NSMCE2: variants seen among roughly 807,000 people sequenced by gnomAD.
NSMCE2 encodes the protein NSE2 SUMO ligase component of SMC5/6 complex, also known as E3 SUMO-protein ligase NSE2.
NSMCE2 carries 24 observed loss-of-function variants against 23.8 expected under a neutral mutation model. The observed-to-expected ratio is 1.01, with a 90% CI of 0.73 to 1.42. The LOEUF is 1.42. Ranked by LOEUF, NSMCE2 falls within the 40% of genes most tolerant of loss-of-function variation. NSMCE2 has a pLI of 0.00. For synonymous variants in NSMCE2, 92 were observed against 94.1 expected, an observed-to-expected ratio of 0.98 and a Z score of 0.13; for missense variants, 284 against 296.5, an observed-to-expected ratio of 0.96 and a Z score of 0.31.
chr8:125,336,290 C>G (rs1223466459), intron 5 of NSMCE2, among the ~76,000 whole-genome samples: 2 of 152,206 alleles, frequency 1.3e-5, no homozygotes, highest in African/African-American at 2.4e-5. Context: ...CAATTCAATA[C>G]TCAGTTAAAT....
Position 125,102,404 on chromosome 8 carries a change from C to T in NSMCE2, c.74C>T (p.Ser25Phe), listed in dbSNP as rs755623114. The T allele has an allele frequency of 6.2e-6, 10 of 1,613,120 alleles. No homozygotes were observed. In the East Asian group the frequency reaches 1.3e-4, roughly 22 times the overall value. The part of the protein sequence containing the change: ...ISFSGVESAL[S>F]SLKNFQACIN... Reference sequence around the variant, plus strand: ...TTCAGTGGTGTAGAGTCTGCTCTCTCCTCCTTGAAAAACTTCCAAGCCTGT... The same window carrying T: ...TTCAGTGGTGTAGAGTCTGCTCTCTTCTCCTTGAAAAACTTCCAAGCCTGT... Residue 25 changes from serine to phenylalanine, a missense_variant, in exon 3 of 8, where the codon TCC (serine) becomes TTC (phenylalanine). Ser to Phe is a radical substitution (Grantham distance 155, BLOSUM62 -2). Coordinates refer to ENST00000287437, the MANE Select transcript of NSMCE2 (RefSeq NM_173685.4).
intron 5 of NSMCE2, among the ~76,000 whole-genome samples, chr8:125,283,787 G>A (rs1199407289): frequency 1.3e-5 from 2 of 152,052 alleles, no homozygotes; most frequent in African/African-American, 2.4e-5. Context: ...AGGAACCCAG[G>A]GCCCATTTTG....
At chr8:125,356,548 C>T (rs764474741) in intron 5 of NSMCE2, among the ~76,000 whole-genome samples, 2 of 151,938 alleles carry the variant, frequency 1.3e-5, no homozygotes, top group Non-Finnish European at 2.9e-5. Context: ...AGGATGGTCT[C>T]GATCTCTTGA....
At chr8:125,231,869 T>A (rs1825337315) in intron 5 of NSMCE2, among the ~76,000 whole-genome samples, 1 of 152,012 alleles carries the variant, frequency 6.6e-6, no homozygotes, top group African/African-American at 2.4e-5. Flanking sequence ...TTTCTTTATC[T>A]CTTTCTTTTT....
chr8:125,112,470 A>G (rs1010405951), intron 3 of NSMCE2, among the ~76,000 whole-genome samples: 3 of 152,258 alleles, frequency 2.0e-5, no homozygotes, highest in African/African-American at 7.2e-5. Flanking sequence ...ACAATAGCCA[A>G]GATACAGAAG....
chr8:125,317,050 A>T (rs1239721522), intron 5 of NSMCE2, among the ~76,000 whole-genome samples: 1 of 151,606 alleles, frequency 6.6e-6, no homozygotes, highest in Non-Finnish European at 1.5e-5. Context: ...GGCCTCCCAA[A>T]GTGCTGGGAT....
At chr8:125,144,553 A>G (rs1820566469) in intron 3 of NSMCE2, among the ~76,000 whole-genome samples, 1 of 152,212 alleles carries the variant, frequency 6.6e-6, no homozygotes, top group African/African-American at 2.4e-5. Flanking sequence ...GTATTGCTAC[A>G]GGCTTACTGC....
intron 5 of NSMCE2, among the ~76,000 whole-genome samples, chr8:125,263,492 G>A (rs1219072045): frequency 6.6e-6 from 1 of 152,156 alleles, no homozygotes; most frequent in African/African-American, 2.4e-5. Context: ...GCTCATGCCT[G>A]TAATCCCAAT....
chr8:125,156,247 T>G (rs1318724081), intron 4 of NSMCE2: 1 of 159,532 alleles, frequency 6.3e-6, no homozygotes, highest in Non-Finnish European at 1.4e-5. Context: ...TTTTAAGACA[T>G]TTTACCTCTT....
chr8:125,258,742 G>T (rs570814007), intron 5 of NSMCE2, among the ~76,000 whole-genome samples: 1 of 152,332 alleles, frequency 6.6e-6, no homozygotes, highest in South Asian at 2.1e-4. Flanking sequence ...AGGTGGGGGG[G>T]TTATGGGAGT....
At chr8:125,332,622 T>G (rs1407206775) in intron 5 of NSMCE2, among the ~76,000 whole-genome samples, 1 of 152,230 alleles carries the variant, frequency 6.6e-6, no homozygotes, top group Non-Finnish European at 1.5e-5. Flanking sequence ...ATATTTAAGC[T>G]CTAGTCAAGC....
chr8:125,246,721 A>G (rs999003375), intron 5 of NSMCE2, among the ~76,000 whole-genome samples: 10 of 152,196 alleles, frequency 6.6e-5, no homozygotes, highest in Non-Finnish European at 1.3e-4. Flanking sequence ...AAGCTAGGGT[A>G]TCTATGACCA....
At chr8:125,192,863 A>G (rs1247999096) in intron 5 of NSMCE2, among the ~76,000 whole-genome samples, 3 of 152,224 alleles carry the variant, frequency 2.0e-5, no homozygotes, top group African/African-American at 7.2e-5. Flanking sequence ...GATGATGATG[A>G]CGCGCTCTAC....
chr8:125,279,910 G>T (rs956731724), intron 5 of NSMCE2, among the ~76,000 whole-genome samples: 1 of 152,140 alleles, frequency 6.6e-6, no homozygotes, highest in Non-Finnish European at 1.5e-5. Context: ...TAACCCCAGC[G>T]CAGTCATCTA....
intron 5 of NSMCE2, among the ~76,000 whole-genome samples, chr8:125,328,435 T>C (rs1426342223): frequency 6.6e-6 from 1 of 152,196 alleles, no homozygotes; most frequent in Non-Finnish European, 1.5e-5. Context: ...TGCAAATTGC[T>C]GAGCACCTCG....
At chr8:125,140,979 T>C (rs981757389) in intron 3 of NSMCE2, among the ~76,000 whole-genome samples, 5 of 152,156 alleles carry the variant, frequency 3.3e-5, no homozygotes, top group Non-Finnish European at 7.4e-5. Context: ...CCGTGAAGAT[T>C]TGGAGGCTTT....
At chr8:125,230,736 C>T (rs1825290517) in intron 5 of NSMCE2, among the ~76,000 whole-genome samples, 1 of 152,160 alleles carries the variant, frequency 6.6e-6, no homozygotes, top group Non-Finnish European at 1.5e-5. Context: ...GTCAAGTTCA[C>T]AAACTGGGCA....
intron 5 of NSMCE2, among the ~76,000 whole-genome samples, chr8:125,204,234 C>T (rs1203905018): frequency 6.6e-6 from 1 of 152,062 alleles, no homozygotes; most frequent in Non-Finnish European, 1.5e-5. Context: ...GCCCTTTTTG[C>T]GAAGGTTACC....
intron 5 of NSMCE2, among the ~76,000 whole-genome samples, chr8:125,210,643 T>C (rs965488133): frequency 1.3e-5 from 2 of 152,160 alleles, no homozygotes; most frequent in Non-Finnish European, 2.9e-5. Flanking sequence ...TCCTTTTTTT[T>C]CTCACCGATC....
Sources: gnomAD v4.1 joint callset for allele counts (sites outside exome capture counted in the v4.1 genomes callset) on GRCh38, gnomAD v4.1.1 for gene constraint, MANE v1.5 for transcripts, NCBI Gene and HGNC (gene_info 2026-07-23, HGNC 2026-07-21) for gene names.